KLHL29: variants seen among roughly 807,000 people sequenced by gnomAD.
The protein encoded by KLHL29 is kelch like family member 29, also known as kelch-like protein 29.
Under a neutral mutation model 80.4 loss-of-function variants are expected in KLHL29, and 21 were observed. The ratio of observed to expected loss-of-function variants is 0.26; its 90% CI spans 0.19 to 0.38. The LOEUF (loss-of-function observed/expected upper bound fraction) is 0.38. Ranked by LOEUF, KLHL29 falls within the 10% of genes least tolerant of loss-of-function variation. The pLI is 1.00. For synonymous variants in KLHL29, 511 were observed against 526.8 expected, an observed-to-expected ratio of 0.97 and a Z score of 0.41; for missense variants, 867 against 1,223.9, an observed-to-expected ratio of 0.71 and a Z score of 4.35.
chr2:23,630,530 CT>C (rs1247679033), intron 3 of KLHL29, among the ~76,000 whole-genome samples: 1 of 152,274 alleles, frequency 6.6e-6, no homozygotes, highest in East Asian at 1.9e-4. Flanking sequence ...GTCACCCAGG[CT>C]GGAGGGCAGT....
intron 1 of KLHL29, among the ~76,000 whole-genome samples, chr2:23,416,270 G>C (rs1011144021): frequency 6.6e-5 from 10 of 152,232 alleles, no homozygotes; most frequent in African/African-American, 1.9e-4. Context: ...AAACACCTAG[G>C]GTAATCCAAG....
intron 2 of KLHL29, among the ~76,000 whole-genome samples, chr2:23,484,556 G>A (rs1664880004): frequency 6.6e-6 from 1 of 152,238 alleles, no homozygotes; most frequent in African/African-American, 2.4e-5. Context: ...GAGACATTCT[G>A]TCCAGGCCCT....
chr2:23,703,089 G>A lies in KLHL29; in HGVS notation c.2106-97G>A, dbSNP rs1030213001. 11 of 862,530 alleles carry A rather than the reference G, an allele frequency of 1.3e-5. No homozygotes were observed. In the Admixed American group the frequency reaches 4.0e-4, roughly 31 times the overall value. 53.4% of individuals were successfully genotyped at this position (862,530 alleles called of 1,614,324 possible). On this transcript the variant is annotated intron_variant, in intron 11 of 13. Transcript: ENST00000486442. ...TCTCAGGCTATGCTGGCCATGCTGA[G>A]GGCGAGGAGCAGATGGCAGTTTGCT...
At chr2:23,479,615 T>TC (rs1348597091) in intron 2 of KLHL29, among the ~76,000 whole-genome samples, 4 of 152,138 alleles carry the variant, frequency 2.6e-5, no homozygotes, top group Non-Finnish European at 5.9e-5. Flanking sequence ...TGTCCTAAGG[T>TC]CCGGACCATT....
chr2:23,637,368 G>A (rs75133321), intron 3 of KLHL29, among the ~76,000 whole-genome samples: 12,981 of 152,170 alleles, frequency 0.085, 764 homozygotes, highest in African/African-American at 0.16. Flanking sequence ...AAGACTATTA[G>A]TGAGTGCGGC....
intron 5 of KLHL29, among the ~76,000 whole-genome samples, chr2:23,654,187 A>G (rs1007157413): frequency 2.6e-5 from 4 of 151,946 alleles, no homozygotes; most frequent in Non-Finnish European, 5.9e-5. Flanking sequence ...TTTAAAAAAA[A>G]AAACTAAATC....
At chr2:23,426,545 A>G (rs1259327149) in intron 1 of KLHL29, among the ~76,000 whole-genome samples, 1 of 152,244 alleles carries the variant, frequency 6.6e-6, no homozygotes, top group Non-Finnish European at 1.5e-5. Flanking sequence ...TCAGGCATGT[A>G]AAGAAGCAAA....
intron 1 of KLHL29, among the ~76,000 whole-genome samples, chr2:23,399,686 T>C (rs1235107931): frequency 6.6e-6 from 1 of 152,238 alleles, no homozygotes; most frequent in Non-Finnish European, 1.5e-5. Context: ...ATGATGAACC[T>C]GTGTAACTTT....
chr2:23,659,746 G>T (rs1419004645), intron 5 of KLHL29, among the ~76,000 whole-genome samples: 1 of 152,064 alleles, frequency 6.6e-6, no homozygotes, highest in Non-Finnish European at 1.5e-5. Flanking sequence ...AGCCCACCAG[G>T]CTTCCTCCCC....
chr2:23,472,864 G>C (rs1221068662), intron 1 of KLHL29, among the ~76,000 whole-genome samples: 1 of 152,150 alleles, frequency 6.6e-6, no homozygotes, highest in African/African-American at 2.4e-5. Context: ...CCAGGGTCTT[G>C]CTTTTAACCC....
chr2:23,627,493 A>C (rs1669345397), intron 3 of KLHL29, among the ~76,000 whole-genome samples: 1 of 152,068 alleles, frequency 6.6e-6, no homozygotes, highest in African/African-American at 2.4e-5. Flanking sequence ...TTCAGAATCT[A>C]GGCTACCGTC....
At chr2:23,504,454 G>A (rs967836237) in intron 2 of KLHL29, among the ~76,000 whole-genome samples, 1 of 152,196 alleles carries the variant, frequency 6.6e-6, no homozygotes, top group African/African-American at 2.4e-5. Flanking sequence ...TGGAGCTTTA[G>A]GCAAGGCCTC....
intron 3 of KLHL29, among the ~76,000 whole-genome samples, chr2:23,565,932 G>C (rs958263466): frequency 1.3e-5 from 2 of 152,208 alleles, no homozygotes; most frequent in Admixed American, 1.3e-4. Context: ...CGTGCCCTGG[G>C]GGCTGGGGCA....
chr2:23,608,778 T>A (rs956458314), intron 3 of KLHL29, among the ~76,000 whole-genome samples: 1 of 152,188 alleles, frequency 6.6e-6, no homozygotes, highest in Non-Finnish European at 1.5e-5. Context: ...AAACCCCAAC[T>A]CATATTAATT....
intron 1 of KLHL29, among the ~76,000 whole-genome samples, chr2:23,461,306 A>G (rs1664203226): frequency 6.6e-6 from 1 of 152,140 alleles, no homozygotes; most frequent in Admixed American, 6.5e-5. Flanking sequence ...GTATAAACAA[A>G]CATGAGATGC....
intron 1 of KLHL29, among the ~76,000 whole-genome samples, chr2:23,464,416 G>T (rs899754110): frequency 3.3e-5 from 5 of 152,176 alleles, no homozygotes; most frequent in African/African-American, 1.2e-4. Flanking sequence ...CTGCCTTCGG[G>T]GGGGATAACT....
At chr2:23,553,245 G>A (rs1667174723) in intron 2 of KLHL29, among the ~76,000 whole-genome samples, 1 of 152,258 alleles carries the variant, frequency 6.6e-6, no homozygotes, top group South Asian at 2.1e-4. Flanking sequence ...CTGGCTGAGT[G>A]GGGCCTGATG....
chr2:23,455,247 T>A (rs7601850), intron 1 of KLHL29, among the ~76,000 whole-genome samples: 31,597 of 152,098 alleles, frequency 0.21, 4,984 homozygotes, highest in African/African-American at 0.43. Flanking sequence ...TGTGACTGAT[T>A]AGTAAAGCTC....
rs1664140452 is a variant in KLHL29, at chr2:23,459,092, G to A, written c.-153-16468G>A. 1.3e-5 allele frequency among the ~76,000 whole-genome samples: 2 copies of A among 152,144 alleles called. 1 individual carries two copies. Among genetic ancestry groups the A allele is most frequent in the South Asian group, 4.1e-4 (2 of 4,820 alleles). ...GGGGTCATAATGGGCTGGGTATGGA[G>A]GGAGAAAGCCTCCACAGGATGGCTC... On this transcript the variant is annotated intron_variant, in intron 1 of 13. Transcript: ENST00000486442.
Sources: gnomAD v4.1 joint callset for allele counts (sites outside exome capture counted in the v4.1 genomes callset) on GRCh38, gnomAD v4.1.1 for gene constraint, MANE v1.5 for transcripts, NCBI Gene and HGNC (gene_info 2026-07-23, HGNC 2026-07-21) for gene names.